The following ROBO2 variants were observed in gnomAD, a reference collection of about 807,000 sequenced individuals.
ROBO2 encodes the protein roundabout homolog 2.
In ROBO2, 53 loss-of-function variants were observed where a neutral mutation model predicts 160.8. The ratio of observed to expected loss-of-function variants is 0.33; its 90% CI spans 0.26 to 0.41. The LOEUF is 0.41. Ranked by LOEUF, ROBO2 falls within the 10% of genes least tolerant of loss-of-function variation. The probability of loss-of-function intolerance (pLI) is 1.00; values close to 1 mark genes in which losing one functional copy is unlikely to be tolerated. For synonymous variants in ROBO2, 664 were observed against 611.7 expected, an observed-to-expected ratio of 1.09 and a Z score of -1.26; for missense variants, 1,577 against 1,722.4, an observed-to-expected ratio of 0.92 and a Z score of 1.49.
intron 2 of ROBO2, among the ~76,000 whole-genome samples, chr3:76,645,129 T>C (rs1460367603): frequency 6.6e-6 from 1 of 152,216 alleles, no homozygotes; most frequent in Admixed American, 6.5e-5. Flanking sequence ...GTAATTCTTA[T>C]TCTGCAATCT....
At chr3:77,025,529 T>G (rs1314014674) in intron 2 of ROBO2, among the ~76,000 whole-genome samples, 1 of 152,206 alleles carries the variant, frequency 6.6e-6, no homozygotes, top group Non-Finnish European at 1.5e-5. Context: ...ATAGACAAAT[T>G]GCTCCCAAAT....
chr3:77,121,245 A>C (rs1370277873), intron 2 of ROBO2, among the ~76,000 whole-genome samples: 1 of 152,092 alleles, frequency 6.6e-6, no homozygotes, highest in Admixed American at 6.5e-5. Flanking sequence ...GAGCCCAGCC[A>C]AAGTATTATT....
intron 2 of ROBO2, among the ~76,000 whole-genome samples, chr3:77,420,038 C>G (rs1315037761): frequency 6.6e-6 from 1 of 151,924 alleles, no homozygotes. Context: ...TACCAAATAC[C>G]TGAGAACCAT....
intron 4 of ROBO2, among the ~76,000 whole-genome samples, chr3:77,482,415 C>T (rs182043236): frequency 1.3e-5 from 2 of 152,092 alleles, no homozygotes; most frequent in African/African-American, 4.8e-5. Context: ...ATGACTTCCA[C>T]TATATTTCAA....
At chr3:77,319,638 T>G (rs1421582234) in intron 2 of ROBO2, among the ~76,000 whole-genome samples, 2 of 152,224 alleles carry the variant, frequency 1.3e-5, no homozygotes, top group Non-Finnish European at 2.9e-5. Context: ...AAGACGCTTT[T>G]GTATCTTTTT....
At chr3:76,338,133 G>A (rs188666350) in intron 2 of ROBO2, among the ~76,000 whole-genome samples, 51 of 152,212 alleles carry the variant, frequency 3.4e-4, no homozygotes, top group African/African-American at 1.1e-3. Flanking sequence ...TAAGTACATA[G>A]CTATAAGGAA....
intron 2 of ROBO2, among the ~76,000 whole-genome samples, chr3:76,856,354 G>A (rs2070077354): frequency 6.6e-6 from 1 of 152,010 alleles, no homozygotes; most frequent in African/African-American, 2.4e-5. Flanking sequence ...ACACATATAT[G>A]GTAAAATGAT....
At chr3:76,750,859 G>T (rs1051908174) in intron 2 of ROBO2, among the ~76,000 whole-genome samples, 1 of 152,074 alleles carries the variant, frequency 6.6e-6, no homozygotes, top group Non-Finnish European at 1.5e-5. Flanking sequence ...TCGTGAAAAT[G>T]GCCATACTGC....
intron 19 of ROBO2, among the ~76,000 whole-genome samples, chr3:77,597,163 G>GAATATAAT (rs1168396882): frequency 6.6e-6 from 1 of 151,896 alleles, no homozygotes; most frequent in Non-Finnish European, 1.5e-5. Context: ...AAGACCATAA[G>GAATATAAT]AATATAATAA....
At chr3:77,254,448 T>G (rs954863203) in intron 2 of ROBO2, among the ~76,000 whole-genome samples, 47 of 152,106 alleles carry the variant, frequency 3.1e-4, no homozygotes, top group African/African-American at 1.1e-3. Flanking sequence ...TTCTTTTTTT[T>G]TTTTTACTTT....
At chr3:76,348,909 G>T (rs1300169281) in intron 2 of ROBO2, among the ~76,000 whole-genome samples, 1 of 152,156 alleles carries the variant, frequency 6.6e-6, no homozygotes, top group African/African-American at 2.4e-5. Context: ...CCATCAAGGA[G>T]TGGAAAGGGG....
At chr3:77,049,190 C>T (rs1356629604) in intron 1 of ROBO2, among the ~76,000 whole-genome samples, 2 of 151,920 alleles carry the variant, frequency 1.3e-5, no homozygotes, top group East Asian at 1.9e-4. Context: ...GTTAGCTGGG[C>T]ATGGTGGTGT....
At chr3:76,556,144 G>A (rs1423141595) in intron 2 of ROBO2, among the ~76,000 whole-genome samples, 1 of 151,782 alleles carries the variant, frequency 6.6e-6, no homozygotes, top group Non-Finnish European at 1.5e-5. Context: ...GAGAAAGAAA[G>A]AAAGAAAAAA....
chr3:76,542,304 A>G (rs1354559415), intron 2 of ROBO2, among the ~76,000 whole-genome samples: 1 of 152,088 alleles, frequency 6.6e-6, no homozygotes, highest in Non-Finnish European at 1.5e-5. Context: ...ACTTATTTCT[A>G]TTAATATATG....
rs560247228 is a variant in ROBO2, at chr3:76,533,306, G to GAAGAC, written c.110-564705_110-564701dup. Among the ~76,000 whole-genome samples the GAAGAC allele has an allele frequency of 2.7e-4, 41 of 152,298 alleles. 2 individuals are homozygous for GAAGAC. Among genetic ancestry groups the GAAGAC allele is most frequent in the South Asian group, 2.5e-3 (12 of 4,822 alleles). Reference sequence around the variant, plus strand: ...TGTTTTTCTTCCTTTTTATTTCTGTGAAGACAACTTCCCTGCTCAGCATAC... The same window carrying GAAGAC: ...TGTTTTTCTTCCTTTTTATTTCTGTGAAGACAAGACAACTTCCCTGCTCAGCATAC... On this transcript the variant is annotated intron_variant, in intron 2 of 26. Transcript: ENST00000487694.
intron 2 of ROBO2, among the ~76,000 whole-genome samples, chr3:76,243,767 G>A (rs1224700399): frequency 6.6e-6 from 1 of 152,112 alleles, no homozygotes; most frequent in Non-Finnish European, 1.5e-5. Flanking sequence ...ATTTCTTGGG[G>A]TAATTTATGC....
At chr3:77,168,599 T>G (rs551472981) in intron 2 of ROBO2, among the ~76,000 whole-genome samples, 86 of 152,266 alleles carry the variant, frequency 5.6e-4, no homozygotes, top group African/African-American at 1.9e-3. Context: ...TTTTCACCTA[T>G]CCTCTCATTA....
At chr3:77,298,635 C>T (rs2062367257) in intron 2 of ROBO2, among the ~76,000 whole-genome samples, 2 of 152,122 alleles carry the variant, frequency 1.3e-5, no homozygotes, top group Non-Finnish European at 2.9e-5. Context: ...AATAGCTGCA[C>T]TGTAACAATC....
intron 2 of ROBO2, among the ~76,000 whole-genome samples, chr3:76,809,029 G>A (rs1004308619): frequency 6.6e-6 from 1 of 152,104 alleles, no homozygotes; most frequent in Non-Finnish European, 1.5e-5. Flanking sequence ...CTTTTTGAAA[G>A]TAAAATACTT....
Sources: gnomAD v4.1 joint callset for allele counts (sites outside exome capture counted in the v4.1 genomes callset) on GRCh38, gnomAD v4.1.1 for gene constraint, MANE v1.5 for transcripts, NCBI Gene and HGNC (gene_info 2026-07-23, HGNC 2026-07-21) for gene names.